ADAM32: variants seen among roughly 807,000 people sequenced by gnomAD.
ADAM32 encodes ADAM metallopeptidase domain 32, also known as disintegrin and metalloproteinase domain-containing protein 32.
Under a neutral mutation model 114.9 loss-of-function variants are expected in ADAM32, and 89 were observed. The ratio of observed to expected loss-of-function variants is 0.77; its 90% CI spans 0.65 to 0.92. ADAM32 has a LOEUF of 0.92. ADAM32 is among the 40% of genes least tolerant of loss of function. ADAM32 has a pLI of 0.00. For synonymous variants in ADAM32, 285 were observed against 307.5 expected (o/e 0.93, Z 0.77); for missense variants, 870 against 932.8 (o/e 0.93, Z 0.88).
intron 11 of ADAM32, among the ~76,000 whole-genome samples, chr8:39,204,446 G>A (rs1432074651): frequency 6.6e-6 from 1 of 152,126 alleles, no homozygotes; most frequent in Non-Finnish European, 1.5e-5. Flanking sequence ...TTGTGCATTT[G>A]TCACGTAGTT....
chr8:39,114,671 A>AAGG (rs527754984), intron 1 of ADAM32, among the ~76,000 whole-genome samples: 95 of 152,358 alleles, frequency 6.2e-4, no homozygotes, highest in Non-Finnish European at 1.0e-3. Flanking sequence ...CAGTCAAAGC[A>AAGG]AGGAATCATG....
chr8:39,242,726 A>C (rs1810644175), intron 16 of ADAM32, among the ~76,000 whole-genome samples: 1 of 152,214 alleles, frequency 6.6e-6, no homozygotes, highest in African/African-American at 2.4e-5. Flanking sequence ...TCATACCTCA[A>C]GGAACTAGAG....
chr8:39,163,192 G>C (rs1457954461), intron 7 of ADAM32, among the ~76,000 whole-genome samples: 1 of 152,140 alleles, frequency 6.6e-6, no homozygotes, highest in Non-Finnish European at 1.5e-5. Flanking sequence ...TATACTATAA[G>C]AGCATCCAAG....
At chr8:39,246,057 C>T in intron 16 of ADAM32, 26 bp from the exon 17 acceptor site, 1 of 1,598,720 alleles carries the variant, frequency 6.3e-7, no homozygotes, top group Non-Finnish European at 8.6e-7. Flanking sequence ...GACATGGGAA[C>T]TTTTTTTGTA....
chr8:39,209,097 T>G (rs758976462), intron 11 of ADAM32, among the ~76,000 whole-genome samples: 6 of 152,220 alleles, frequency 3.9e-5, no homozygotes, highest in Non-Finnish European at 7.3e-5. Context: ...TCTCTTCCTC[T>G]ACTCCCTTTG....
chr8:39,255,653 A>T (rs1811609133), intron 18 of ADAM32, among the ~76,000 whole-genome samples: 1 of 152,056 alleles, frequency 6.6e-6, no homozygotes, highest in South Asian at 2.1e-4. Flanking sequence ...TAGTTTGTGA[A>T]GATTTCCTCC....
At chr8:39,153,625 G>A (rs1803976577) in intron 6 of ADAM32, among the ~76,000 whole-genome samples, 1 of 152,170 alleles carries the variant, frequency 6.6e-6, no homozygotes, top group African/African-American at 2.4e-5. Context: ...GGACAACTCT[G>A]TAGCACAACT....
chr8:39,166,326 G>A (rs766742254), intron 9 of ADAM32: 15 of 152,260 alleles, frequency 9.9e-5, no homozygotes, highest in Non-Finnish European at 1.9e-4. Context: ...ACTTCACTTA[G>A]AATAATAGTC....
At chr8:39,164,880 T>G in intron 8 of ADAM32, 45 bp downstream of exon 8, 1 of 1,561,184 alleles carries the variant, frequency 6.4e-7, no homozygotes, top group Non-Finnish European at 8.8e-7. Context: ...TGTTTTGAAA[T>G]GATAATTTGC....
intron 9 of ADAM32, chr8:39,168,483 C>T (rs759885353): frequency 6.6e-6 from 1 of 152,190 alleles, no homozygotes; most frequent in Admixed American, 6.5e-5. Flanking sequence ...TCATGATAAA[C>T]AGTTTGCTGT....
At chr8:39,190,513 A>G (rs754382622) in intron 11 of ADAM32, among the ~76,000 whole-genome samples, 4 of 152,228 alleles carry the variant, frequency 2.6e-5, no homozygotes, top group Non-Finnish European at 5.9e-5. Context: ...TCCCACTGAC[A>G]GCGTATGAGT....
chr8:39,165,839 C>G (rs1804797789), intron 9 of ADAM32: 1 of 151,944 alleles, frequency 6.6e-6, no homozygotes, highest in African/African-American at 2.4e-5. Context: ...TGTTACTGCT[C>G]TTTTAATTTT....
intron 2 of ADAM32, chr8:39,132,152 C>G (rs1056587684): frequency 1.9e-5 from 3 of 160,266 alleles, no homozygotes; most frequent in Non-Finnish European, 4.2e-5. Context: ...CTTGGCCTCC[C>G]AAAGTGCTGG....
intron 12 of ADAM32, chr8:39,220,834 A>G (rs1242712611): frequency 6.6e-6 from 1 of 151,978 alleles, no homozygotes; most frequent in Non-Finnish European, 1.5e-5. Flanking sequence ...AGCTTAGCAT[A>G]TGGTCTATTC....
At chr8:39,157,504 G>T in intron 6 of ADAM32, 1 of 403,000 alleles carries the variant, frequency 2.5e-6, no homozygotes, top group East Asian at 6.6e-5. Context: ...AACTTTTATT[G>T]AGATCCCATC....
chr8:39,212,615 A>C (rs1003786105), intron 12 of ADAM32, among the ~76,000 whole-genome samples: 1 of 152,080 alleles, frequency 6.6e-6, no homozygotes, highest in African/African-American at 2.4e-5. Context: ...AGTGTTTTTG[A>C]GATTCATCCA....
In ADAM32 at chr8:39,160,916, AT is replaced by A; in HGVS notation, c.548del (p.Leu183TyrfsTer6). Reference sequence around the variant, plus strand: ...TTCTAGTCAGAACCAGCTGTTCCAGATTTATTTCCTCTTTATCTAGAAATGC... The same window carrying A: ...TTCTAGTCAGAACCAGCTGTTCCAGATTATTTCCTCTTTATCTAGAAATGC... Reference protein sequence around the residue: ...ISEKSEPAVPDLFPLYLEMHI... With the variant: ...ISEKSEPAVPXLFPLYLEMHI... On this transcript the variant is annotated frameshift_variant, in exon 7 of 25. Coordinates refer to ENST00000379907, the MANE Select transcript of ADAM32 (RefSeq NM_145004.7). LOFTEE classifies it high-confidence loss of function. 1 of 1,599,140 alleles carries A rather than the reference AT, an allele frequency of 6.3e-7. No homozygotes were observed. The highest frequency in any genetic ancestry group is 8.5e-7 in the Non-Finnish European group (1 of 1,173,346).
chr8:39,265,961 C>A (rs1029529406), intron 19 of ADAM32, among the ~76,000 whole-genome samples: 1 of 152,138 alleles, frequency 6.6e-6, no homozygotes, highest in African/African-American at 2.4e-5. Context: ...GTTGAAATTT[C>A]CTTTCTTTAA....
intron 19 of ADAM32, 55 bp downstream of exon 19, chr8:39,257,398 T>C: frequency 1.3e-6 from 2 of 1,574,492 alleles, no homozygotes; most frequent in Non-Finnish European, 1.7e-6. Context: ...AATCTAGTTA[T>C]ATGTAAGACA....
Sources: gnomAD v4.1 joint callset for allele counts (sites outside exome capture counted in the v4.1 genomes callset) on GRCh38, gnomAD v4.1.1 for gene constraint, MANE v1.5 for transcripts, NCBI Gene and HGNC (gene_info 2026-07-23, HGNC 2026-07-21) for gene names.